The following CDH13 variants were observed in gnomAD, a reference collection of about 807,000 sequenced individuals.
CDH13 encodes cadherin 13, also known as cadherin-13.
Under a neutral mutation model 63.8 loss-of-function variants are expected in CDH13, and 24 were observed. That is an observed-to-expected ratio of 0.38 (90% CI 0.27 to 0.53). The LOEUF (loss-of-function observed/expected upper bound fraction) is 0.53. CDH13 is among the 20% of genes least tolerant of loss of function. CDH13 has a pLI of 0.85. For synonymous variants in CDH13, 503 were observed against 355.3 expected (o/e 1.42, Z -4.67); for missense variants, 1,049 against 903.1 (o/e 1.16, Z -2.07).
intron 1 of CDH13, among the ~76,000 whole-genome samples, chr16:82,688,492 A>G (rs1031483183): frequency 6.6e-6 from 1 of 152,234 alleles, no homozygotes; most frequent in African/African-American, 2.4e-5. Context: ...CTATCAAAGC[A>G]GAATTCATGT....
At chr16:83,686,924 G>A (rs1391457757) in intron 10 of CDH13, among the ~76,000 whole-genome samples, 1 of 152,150 alleles carries the variant, frequency 6.6e-6, no homozygotes, top group Non-Finnish European at 1.5e-5. Flanking sequence ...GTAGACATGG[G>A]TTGACCGAAT....
intron 5 of CDH13, among the ~76,000 whole-genome samples, chr16:83,312,067 A>AG (rs2090013073): frequency 3.8e-5 from 1 of 26,012 alleles, no homozygotes; most frequent in Admixed American, 3.7e-4. Context: ...ACTCCATCTC[A>AG]AAAAAAAAAA....
chr16:83,156,208 G>A (rs1418973337), intron 4 of CDH13, among the ~76,000 whole-genome samples: 2 of 152,174 alleles, frequency 1.3e-5, no homozygotes, highest in African/African-American at 2.4e-5. Flanking sequence ...AGTTGAATCA[G>A]TACACACCAT....
At position 83,271,436 on chromosome 16, in the gene CDH13, A is replaced by T. The variant is rs1260182687; in HGVS notation, c.636+53939A>T. On this transcript the variant is annotated intron_variant, in intron 5 of 13. Transcript: ENST00000567109. ...GGCAGAGTTCATAAAAAAAAAAAAA[A>T]AAAAAAAAAAAAAAAATTCATGGTT... Among the ~76,000 whole-genome samples, 13 of 135,092 alleles carry T rather than the reference A, an allele frequency of 9.6e-5. 1 individual carries two copies. The East Asian group carries it at 2.3e-3, about 24-fold the overall frequency. The allele number at this position is 135,092 out of a possible 152,430, so 88.6% of individuals were successfully genotyped here. A position where few individuals can be genotyped will look rare whatever the true frequency, so the allele number is the denominator to read the frequency against.
chr16:83,581,692 C>T (rs1490540494), intron 7 of CDH13, among the ~76,000 whole-genome samples: 1 of 152,046 alleles, frequency 6.6e-6, no homozygotes, highest in Admixed American at 6.6e-5. Flanking sequence ...AGGGGTATGC[C>T]CTTGTAGTCC....
At chr16:82,673,831 G>C (rs1216339474) in intron 1 of CDH13, among the ~76,000 whole-genome samples, 1 of 152,182 alleles carries the variant, frequency 6.6e-6, no homozygotes, top group Non-Finnish European at 1.5e-5. Context: ...GGAAGTGTTA[G>C]CAACAGAGGC....
chr16:83,272,306 A>G (rs1286825664), intron 5 of CDH13, among the ~76,000 whole-genome samples: 3 of 152,218 alleles, frequency 2.0e-5, no homozygotes, highest in Non-Finnish European at 4.4e-5. Context: ...TTAGATCTGG[A>G]CAAGAAATGC....
At chr16:83,647,861 A>G (rs949566646) in intron 8 of CDH13, among the ~76,000 whole-genome samples, 2 of 152,130 alleles carry the variant, frequency 1.3e-5, no homozygotes, top group African/African-American at 4.8e-5. Context: ...CAGAAAGTTG[A>G]TAGCCACGAT....
At chr16:82,686,603 T>C (rs3845200) in intron 1 of CDH13, among the ~76,000 whole-genome samples, 128,388 of 152,282 alleles carry the variant, frequency 0.84, 54,347 homozygotes, top group East Asian at 1. Flanking sequence ...TGGCCTTCGG[T>C]TTTTCAGCTC....
chr16:83,556,966 G>A (rs2075615814), intron 7 of CDH13, among the ~76,000 whole-genome samples: 1 of 152,144 alleles, frequency 6.6e-6, no homozygotes, highest in South Asian at 2.1e-4. Context: ...TACATAAGGG[G>A]TCCCCGACCC....
chr16:82,680,618 A>G (rs1239360615), intron 1 of CDH13, among the ~76,000 whole-genome samples: 1 of 152,104 alleles, frequency 6.6e-6, no homozygotes, highest in Non-Finnish European at 1.5e-5. Context: ...TCATTATATT[A>G]CTCCCCATCC....
At chr16:83,340,278 A>G (rs1003658618) in intron 5 of CDH13, among the ~76,000 whole-genome samples, 1 of 150,164 alleles carries the variant, frequency 6.7e-6, no homozygotes, top group Non-Finnish European at 1.5e-5. Context: ...TGTCTGTGGT[A>G]CATGTACATA....
intron 10 of CDH13, among the ~76,000 whole-genome samples, chr16:83,685,379 A>G (rs2150882039): frequency 6.6e-6 from 1 of 152,324 alleles, no homozygotes; most frequent in African/African-American, 2.4e-5. Context: ...TTTAAAAGGG[A>G]AAAATATCCC....
chr16:83,312,218 G>T (rs1219251880), intron 5 of CDH13, among the ~76,000 whole-genome samples: 1 of 152,116 alleles, frequency 6.6e-6, no homozygotes, highest in Non-Finnish European at 1.5e-5. Context: ...ATACAGATGA[G>T]CCGGCTCAGT....
At chr16:82,759,420 T>C (rs1160898578) in intron 1 of CDH13, among the ~76,000 whole-genome samples, 1 of 151,988 alleles carries the variant, frequency 6.6e-6, no homozygotes, top group East Asian at 1.9e-4. Context: ...CAATGCATTA[T>C]GGTCTTCATC....
intron 5 of CDH13, among the ~76,000 whole-genome samples, chr16:83,278,315 C>T (rs2089056501): frequency 6.6e-6 from 1 of 152,180 alleles, no homozygotes; most frequent in Admixed American, 6.5e-5. Context: ...TCTTTTAGCT[C>T]TTCCCCATTC....
intron 11 of CDH13, among the ~76,000 whole-genome samples, chr16:83,758,441 AC>A (rs1437012708): frequency 2.6e-5 from 4 of 152,042 alleles, no homozygotes; most frequent in African/African-American, 9.7e-5. Flanking sequence ...AAACTAGGAA[AC>A]TTTTTTAGTC....
At chr16:82,895,848 A>G (rs1348793436) in intron 2 of CDH13, among the ~76,000 whole-genome samples, 5 of 152,220 alleles carry the variant, frequency 3.3e-5, no homozygotes, top group African/African-American at 1.2e-4. Context: ...ATCAACTTGC[A>G]GTACGTCAAG....
At chr16:82,883,595 C>T (rs2040781511) in intron 2 of CDH13, among the ~76,000 whole-genome samples, 1 of 152,226 alleles carries the variant, frequency 6.6e-6, no homozygotes, top group South Asian at 2.1e-4. Flanking sequence ...AGGCATCTTT[C>T]TGTTACCTCT....
Sources: allele counts gnomAD v4.1 joint callset (sites outside exome capture counted in the v4.1 genomes callset), GRCh38; gene constraint gnomAD v4.1.1; transcripts MANE v1.5; gene names NCBI Gene and HGNC (gene_info 2026-07-23, HGNC 2026-07-21).